Variants in PCDHA2 observed in about 807,000 individuals in gnomAD.
PCDHA2 encodes the protein protocadherin alpha 2, also known as protocadherin alpha-2.
In PCDHA2, 58 loss-of-function variants were observed where a neutral mutation model predicts 66.0. The ratio of observed to expected loss-of-function variants is 0.88; its 90% CI spans 0.71 to 1.09. PCDHA2 has a LOEUF of 1.09. Ranked by LOEUF, PCDHA2 falls within the 50% of genes least tolerant of loss-of-function variation. The probability of loss-of-function intolerance (pLI) is 0.00; values close to 1 mark genes in which losing one functional copy is unlikely to be tolerated. For missense variants in PCDHA2, 1,267 were observed against 1,242.3 expected, an observed-to-expected ratio of 1.02 and a Z score of -0.30; for synonymous variants, 634 against 554.0, an observed-to-expected ratio of 1.14 and a Z score of -2.03.
Position 140,870,545 on chromosome 5 carries a change from C to T in PCDHA2, c.2388+73193C>T, listed in dbSNP as rs1029944968. The T allele has an allele frequency of 1.2e-6, 2 of 1,614,108 alleles. No individual in the cohort carries two copies. Among genetic ancestry groups the T allele is most frequent in the Admixed American group, 1.7e-5 (1 of 60,034 alleles). On this transcript the variant is annotated intron_variant, in intron 1 of 3. Coordinates refer to ENST00000526136, the MANE Select transcript of PCDHA2 (RefSeq NM_018905.3). The stretch of plus-strand genomic sequence containing the variant: ...ATCTTCACAGTGTCGGCGCGGGACG[C>T]GGACGCGCAGGAGAACGCGCTGGTG...
intron 1 of PCDHA2, chr5:140,860,628 G>A (rs1488931314): frequency 6.6e-6 from 1 of 152,206 alleles, no homozygotes; most frequent in African/African-American, 2.4e-5. Flanking sequence ...ACATATGCAG[G>A]AATCAGGAAC....
Position 140,814,117 on chromosome 5 carries a change from A to T in PCDHA2, c.2388+16765A>T, listed in dbSNP as rs1314520811. On this transcript the variant is annotated intron_variant, in intron 1 of 3. Transcript: ENST00000526136. ...TAATAACGCTTAGCTTAAAACACAA[A>T]CACATTGTACAGCTGTACAAAAATA... 17 of 153,636 alleles carry T rather than the reference A, an allele frequency of 1.1e-4. No homozygotes were observed. In the Admixed American group the frequency reaches 1.1e-3, roughly 10 times the overall value. 9.5% of individuals were successfully genotyped at this position (153,636 alleles called of 1,614,324 possible).
At chr5:140,832,690 A>T (rs1294300661) in intron 1 of PCDHA2, among the ~76,000 whole-genome samples, 1 of 152,324 alleles carries the variant, frequency 6.6e-6, no homozygotes, top group South Asian at 2.1e-4. Flanking sequence ...AATTAACAAG[A>T]CCTGGCTTCA....
chr5:140,815,120 T>C (rs1765657853), intron 1 of PCDHA2: 1 of 152,118 alleles, frequency 6.6e-6, no homozygotes, highest in Non-Finnish European at 1.5e-5. Flanking sequence ...TATAATTGGG[T>C]CTTTAAAAAA....
intron 1 of PCDHA2, among the ~76,000 whole-genome samples, chr5:140,894,375 T>G (rs1246573357): frequency 1.3e-5 from 2 of 152,054 alleles, no homozygotes; most frequent in Non-Finnish European, 2.9e-5. Context: ...ATGGCTCCAA[T>G]TATATTTGTA....
intron 1 of PCDHA2, among the ~76,000 whole-genome samples, chr5:140,954,779 G>T (rs2095086497): frequency 6.6e-6 from 1 of 152,108 alleles, no homozygotes; most frequent in Non-Finnish European, 1.5e-5. Flanking sequence ...AATTTAATTA[G>T]ATCTCATTTG....
At chr5:140,808,322 A>C in intron 1 of PCDHA2, 1 of 1,614,226 alleles carries the variant, frequency 6.2e-7, no homozygotes, top group Non-Finnish European at 8.5e-7. Context: ...CGACAAAGAC[A>C]TGGGTGTCAA....
At position 140,797,259 on chromosome 5, in the gene PCDHA2, C is replaced by T; in HGVS notation, c.2295C>T (p.Pro765=). Reference sequence around the variant, plus strand: ...GGGTGTGCTCTGGGGAGGACCCCCCCAAGACGGACCTCATGGCCTTCAGCC... The same window carrying T: ...GGGTGTGCTCTGGGGAGGACCCCCCTAAGACGGACCTCATGGCCTTCAGCC... ...RQRVCSGEDP[P]KTDLMAFSPS... Residue 765 remains proline (P), a synonymous_variant, in exon 1 of 4, where the codon CCC becomes CCT. Transcript: ENST00000526136. 1 of 1,614,202 alleles carries T rather than the reference C, an allele frequency of 6.2e-7. No individual in the cohort carries two copies. Among genetic ancestry groups the T allele is most frequent in the Non-Finnish European group, 8.5e-7 (1 of 1,180,046 alleles).
chr5:140,927,480 C>T (rs782233621), intron 1 of PCDHA2: 3 of 1,613,976 alleles, frequency 1.9e-6, no homozygotes, highest in African/African-American at 1.3e-5. Context: ...GCGAACAGCG[C>T]GCCACCCACC....
intron 1 of PCDHA2, chr5:140,858,351 T>G: frequency 6.3e-7 from 1 of 1,594,234 alleles, no homozygotes; most frequent in Non-Finnish European, 8.6e-7. Context: ...GCGGACCTCA[T>G]GGCCTTCAGC....
intron 1 of PCDHA2, chr5:140,876,474 C>T: frequency 6.2e-7 from 1 of 1,614,014 alleles, no homozygotes; most frequent in Non-Finnish European, 8.5e-7. Flanking sequence ...CAGGTCACAG[C>T]ATGGTCCTGG....
chr5:140,930,037 GC>G (rs2086548182), intron 1 of PCDHA2: 6 of 152,140 alleles, frequency 3.9e-5, no homozygotes, highest in African/African-American at 1.4e-4. Flanking sequence ...TTTTGTAACT[GC>G]TTTGGAGTTT....
At chr5:140,801,557 G>T in intron 1 of PCDHA2, 1 of 1,614,242 alleles carries the variant, frequency 6.2e-7, no homozygotes, top group Non-Finnish European at 8.5e-7. Flanking sequence ...TCCATGTGGA[G>T]GTGGAAGTGA....
chr5:140,943,751 TAGG>T (rs1284418706), intron 1 of PCDHA2, among the ~76,000 whole-genome samples: 1 of 152,048 alleles, frequency 6.6e-6, no homozygotes, highest in Non-Finnish European at 1.5e-5. Flanking sequence ...CTAAAAGCAG[TAGG>T]AGATGTAGGA....
chr5:140,928,501 G>A, intron 1 of PCDHA2: 1 of 1,614,184 alleles, frequency 6.2e-7, no homozygotes. Flanking sequence ...TCCCAGAAGT[G>A]CAACAGTGAC....
chr5:140,834,671 C>T (rs142482863), intron 1 of PCDHA2: 2 of 1,614,216 alleles, frequency 1.2e-6, no homozygotes, highest in Non-Finnish European at 1.7e-6. Flanking sequence ...AGGAGCTGTG[C>T]GGGCGGAGCG....
intron 1 of PCDHA2, among the ~76,000 whole-genome samples, chr5:140,917,405 T>C (rs2153543748): frequency 6.6e-6 from 1 of 152,162 alleles, no homozygotes; most frequent in South Asian, 2.1e-4. Flanking sequence ...AGCTCTTTAG[T>C]TTAATTAGGC....
intron 1 of PCDHA2, chr5:140,858,137 TACCTGATCATCGCC>T: frequency 1.9e-6 from 3 of 1,597,500 alleles, no homozygotes; most frequent in Non-Finnish European, 2.6e-6. Context: ...TGTCAACGTG[TACCTGATCATCGCC>T]ATCTGCGCGG....
intron 1 of PCDHA2, among the ~76,000 whole-genome samples, chr5:140,916,511 C>G (rs2077595595): frequency 6.6e-6 from 1 of 152,132 alleles, no homozygotes; most frequent in African/African-American, 2.4e-5. Flanking sequence ...ATTAATCTTG[C>G]CAAGACTGGG....
Sources: allele counts gnomAD v4.1 joint callset (sites outside exome capture counted in the v4.1 genomes callset), GRCh38; gene constraint gnomAD v4.1.1; transcripts MANE v1.5; gene names NCBI Gene and HGNC (gene_info 2026-07-23, HGNC 2026-07-21).